The following SPTBN4 variants were observed in gnomAD, a reference collection of about 807,000 sequenced individuals.
SPTBN4 encodes the protein spectrin beta, non-erythrocytic 4, also known as spectrin beta chain, non-erythrocytic 4.
SPTBN4 carries 96 observed loss-of-function variants against 277.8 expected under a neutral mutation model. The observed-to-expected ratio is 0.35, with a 90% CI of 0.29 to 0.41. SPTBN4 has a LOEUF of 0.41. Ranked by LOEUF, SPTBN4 falls within the 10% of genes least tolerant of loss-of-function variation. The pLI, the probability that SPTBN4 is intolerant of heterozygous loss-of-function variation, is 1.00. For synonymous variants in SPTBN4, 1,481 were observed against 1,580.3 expected (o/e 0.94, Z 1.49); for missense variants, 3,006 against 3,595.7 (o/e 0.84, Z 4.19).
At chr19:40,486,188 G>A (rs2080070190) in intron 2 of SPTBN4, among the ~76,000 whole-genome samples, 1 of 152,000 alleles carries the variant, frequency 6.6e-6, no homozygotes, top group South Asian at 2.1e-4. Flanking sequence ...CTACTTGGGA[G>A]GCTGCGATGG....
At chr19:40,556,025 T>C (rs2080974376) in intron 24 of SPTBN4, 59 bp from the exon 25 acceptor site, 3 of 1,484,930 alleles carry the variant, frequency 2.0e-6, no homozygotes, top group Non-Finnish European at 9.1e-7. Context: ...TTTAGGGGGG[T>C]CACGCTCTGC....
At position 40,567,717 on chromosome 19, in the gene SPTBN4, C is replaced by T. The variant is rs1445269270; in HGVS notation, c.6391C>T (p.Arg2131Cys). The change falls in exon 31 of 36, where the codon CGC becomes TGC. Residue 2131 changes from arginine to cysteine, a missense_variant. Physicochemically the swap from Arg to Cys is radical, Grantham distance 180 (BLOSUM62 -3). Around this residue, in one of 5 missense-constraint regions of SPTBN4, gnomAD observed 630 missense variants for 677.6 expected, o/e 0.93. Coordinates refer to ENST00000598249, the MANE Select transcript of SPTBN4 (RefSeq NM_020971.3). Reference protein sequence around the residue: ...SKQPPTPLLGRKFFGDPTELA... With the variant: ...SKQPPTPLLGCKFFGDPTELA... ...GCAGCCGCCTACCCCACTGCTGGGG[C>T]GCAAGTTCTTTGGGGACCCCACGGA... is the stretch of plus-strand genomic sequence containing the variant. 3 of 1,557,264 alleles carry T rather than the reference C, an allele frequency of 1.9e-6. No homozygotes were observed. Among genetic ancestry groups the T allele is most frequent in the Non-Finnish European group, 2.6e-6 (3 of 1,153,484 alleles).
intron 35 of SPTBN4, among the ~76,000 whole-genome samples, chr19:40,573,146 G>A (rs372341668): frequency 1.8e-3 from 272 of 152,088 alleles, no homozygotes; most frequent in African/African-American, 6.3e-3. Flanking sequence ...CATCTCTATG[G>A]GTAATAATAA....
Position 40,554,374 on chromosome 19 carries a change from G to T in SPTBN4, c.4902G>T (p.Glu1634Asp). The T allele has an allele frequency of 6.3e-7, 1 of 1,587,594 alleles. No individual in the cohort carries two copies. Among genetic ancestry groups the T allele is most frequent in the Admixed American group, 1.7e-5 (1 of 57,492 alleles). The change falls in exon 23 of 36, where the codon GAG becomes GAT. Residue 1634 changes from glutamate to aspartate, a missense_variant. By Grantham distance (45) the Glu-to-Asp change is conservative (BLOSUM62 2). Around this residue, in one of 5 missense-constraint regions of SPTBN4, gnomAD observed 1,759 missense variants for 2,061.5 expected, o/e 0.85. Transcript: ENST00000598249. This position sits in a 1 kb window ranked among gnomAD's most constrained non-coding sequence, Gnocchi z 5.7. ...EQYYFDVAEV[E>D]AWLGEQELLM... ...ACTACTTCGACGTGGCTGAGGTGGA[G>T]GCGTGGCTGGGCGAGCAGGAGCTGC...
Position 40,520,067 on chromosome 19 carries a change from G to C in SPTBN4, c.3570G>C (p.Ala1190=). 1.3e-6 allele frequency: 2 copies of C among 1,515,580 alleles called. No individual in the cohort carries two copies. Among genetic ancestry groups the C allele is most frequent in the East Asian group, 2.5e-5 (1 of 39,588 alleles). The allele number at this position is 1,515,580 out of a possible 1,614,324, so 93.9% of individuals were successfully genotyped here. The change falls in exon 16 of 36, where the codon GCG becomes GCC. Residue 1190 remains alanine (A), a synonymous_variant. Coordinates refer to ENST00000598249, the MANE Select transcript of SPTBN4 (RefSeq NM_020971.3). ...ATAAACTGCTCGGCTTGTGGGAGGCGCGCAGGGAGGCGCTGGTCCAGGCGC... is the reference window on the plus strand; with the variant it reads ...ATAAACTGCTCGGCTTGTGGGAGGCCCGCAGGGAGGCGCTGGTCCAGGCGC... ...GWHKLLGLWE[A]RREALVQAHI...
Position 40,502,886 on chromosome 19 carries a change from G to A in SPTBN4, c.1315G>A (p.Ala439Thr), listed in dbSNP as rs1350317905. Reference sequence around the variant, plus strand: ...GGCACAGAGGTTTGACCACAAGGTGGCTATGAGGGAGAGCTGGCTGAATGA... The same window carrying A: ...GGCACAGAGGTTTGACCACAAGGTGACTATGAGGGAGAGCTGGCTGAATGA... ...LLAQRFDHKV[A>T]MRESWLNENQ... The change falls in exon 11 of 36, where the codon GCT becomes ACT. Residue 439 changes from alanine (A) to threonine (T), a missense_variant. Transcript: ENST00000598249. The surrounding 1 kb of genome is among the most constrained non-coding windows in gnomAD (Gnocchi z 4.9). 6.2e-7 allele frequency: 1 copy of A among 1,613,906 alleles called. No individual in the cohort carries two copies. Among genetic ancestry groups the A allele is most frequent in the Admixed American group, 1.7e-5 (1 of 60,010 alleles).
chr19:40,467,853 AGTTAAAGATACTCG>A (rs1480829440), intron 1 of SPTBN4, among the ~76,000 whole-genome samples: 2 of 152,222 alleles, frequency 1.3e-5, no homozygotes, highest in Non-Finnish European at 2.9e-5. Context: ...AGAAAGGCCA[AGTTAAAGATACTCG>A]GTTAAAGATA....
chr19:40,572,356 G>T lies in SPTBN4; in HGVS notation c.7512G>T (p.Glu2504Asp). ...VFKLQTQDGS[E>D]FLLQAKDEEE... ...CCTGCAGGACCCAGGATGGCAGTGA[G>T]TTTTTGCTCCAGGCAAAAGATGAGG... Residue 2504 changes from glutamate (E) to aspartate (D), a missense_variant, in exon 35 of 36, where the codon GAG (glutamate) becomes GAT (aspartate). This residue lies in a region of SPTBN4 where 630 missense variants were observed against 677.6 expected (regional missense o/e 0.93). Coordinates refer to ENST00000598249, the MANE Select transcript of SPTBN4 (RefSeq NM_020971.3). 1 of 1,614,186 alleles carries T rather than the reference G, an allele frequency of 6.2e-7. No individual in the cohort carries two copies. The highest frequency in any genetic ancestry group is 8.5e-7 in the Non-Finnish European group (1 of 1,180,032).
intron 25 of SPTBN4, 83 bp from the exon 26 acceptor site, chr19:40,556,940 A>G (rs2080985396): frequency 6.8e-7 from 1 of 1,475,200 alleles, no homozygotes; most frequent in Non-Finnish European, 9.0e-7. Context: ...AAAGAAAAAA[A>G]AACATTGTAG....
At chr19:40,570,957 A>T in intron 33 of SPTBN4, 1 of 468,100 alleles carries the variant, frequency 2.1e-6, no homozygotes, top group East Asian at 4.1e-5. Flanking sequence ...TGGGGGTAGT[A>T]GGTGGGGCCA....
intron 7 of SPTBN4, among the ~76,000 whole-genome samples, chr19:40,498,680 A>C (rs1474101642): frequency 2.7e-5 from 4 of 149,662 alleles, no homozygotes; most frequent in Non-Finnish European, 5.9e-5. Flanking sequence ...CTGGGATTAC[A>C]GGCATGAGCC....
At chr19:40,488,725 G>A (rs1423975250) in intron 3 of SPTBN4, among the ~76,000 whole-genome samples, 1 of 152,128 alleles carries the variant, frequency 6.6e-6, no homozygotes, top group East Asian at 1.9e-4. Context: ...AGAGAGGATC[G>A]CTTGAGCCTG....
intron 33 of SPTBN4, 130 bp from the exon 34 acceptor site, chr19:40,571,889 T>C (rs1224765387): frequency 9.3e-7 from 1 of 1,079,950 alleles, no homozygotes; most frequent in Admixed American, 2.7e-5. Context: ...TAGGTCCAAC[T>C]AGGGCGCAAC....
chr19:40,560,156 C>T lies in SPTBN4; in HGVS notation c.5671-3C>T, dbSNP rs1194660738. The T allele has an allele frequency of 2.5e-6, 4 of 1,591,512 alleles. No individual in the cohort carries two copies. The South Asian group carries it at 3.3e-5, about 13-fold the overall frequency. On this transcript the variant is annotated splice_region_variant and splice_polypyrimidine_tract_variant and intron_variant, in intron 26 of 35. Coordinates refer to ENST00000598249, the MANE Select transcript of SPTBN4 (RefSeq NM_020971.3). The surrounding 1 kb of genome is among the most constrained non-coding windows in gnomAD (Gnocchi z 5.2). ...CTGGCGCCCGACCTGGCATGCCCTT[C>T]AGGTACGGCAGCTGCAGGAGGGGGC...
chr19:40,512,762 G>A lies in SPTBN4; in HGVS notation c.1973G>A (p.Ser658Asn). Residue 658 changes from serine to asparagine, a missense_variant, in exon 14 of 36, where the codon AGC (serine) becomes AAC (asparagine). Physicochemically the swap from Ser to Asn is conservative, Grantham distance 46. Around this residue, in one of 5 missense-constraint regions of SPTBN4, gnomAD observed 1,759 missense variants for 2,061.5 expected, o/e 0.85. Coordinates refer to ENST00000598249, the MANE Select transcript of SPTBN4 (RefSeq NM_020971.3). Reference sequence around the variant, plus strand: ...CTGCAGGAGCTGGAGGAGGCCGAGAGCTGGGCGCGCGACAAGGAGCGTCTC... The same window carrying A: ...CTGCAGGAGCTGGAGGAGGCCGAGAACTGGGCGCGCGACAAGGAGCGTCTC... Reference protein sequence around the residue: ...ALLQELEEAESWARDKERLLE... With the variant: ...ALLQELEEAENWARDKERLLE... 1 of 1,509,762 alleles carries A rather than the reference G, an allele frequency of 6.6e-7. No homozygotes were observed. Among genetic ancestry groups the A allele is most frequent in the Non-Finnish European group, 8.8e-7 (1 of 1,137,650 alleles). 93.5% of individuals were successfully genotyped at this position (1,509,762 alleles called of 1,614,324 possible). A position where few individuals can be genotyped will look rare whatever the true frequency, so the allele number is the denominator to read the frequency against.
intron 30 of SPTBN4, 59 bp from the exon 31 acceptor site, chr19:40,567,604 C>T: frequency 9.4e-7 from 1 of 1,066,810 alleles, no homozygotes; most frequent in Non-Finnish European, 1.3e-6. Context: ...CCCCGGACCT[C>T]CCCCTTACCC....
At chr19:40,568,617 T>C (rs1011595104) in intron 31 of SPTBN4, among the ~76,000 whole-genome samples, 1 of 152,226 alleles carries the variant, frequency 6.6e-6, no homozygotes, top group Non-Finnish European at 1.5e-5. Flanking sequence ...GTTTGCCCAC[T>C]GGGCTAATGG....
At position 40,570,498 on chromosome 19, in the gene SPTBN4, C is replaced by T. The variant is rs762706333; in HGVS notation, c.7089C>T (p.Pro2363=). The T allele has an allele frequency of 3.8e-5, 58 of 1,544,652 alleles. No individual in the cohort carries two copies. Among genetic ancestry groups the T allele is most frequent in the East Asian group, 7.9e-5 (3 of 37,888 alleles). The change falls in exon 33 of 36, where the codon CCC becomes CCT. Residue 2363 remains proline, a synonymous_variant. Coordinates refer to ENST00000598249, the MANE Select transcript of SPTBN4 (RefSeq NM_020971.3). ...GCCTGCCCAACGGGCTTGAGCTGCC[C>T]GAGCGGACACCTCGGCCGGACCGGC... The part of the protein sequence containing the change: ...PGRLPNGLEL[P]ERTPRPDRPR...
At chr19:40,574,369 T>C (rs1353242537) in intron 35 of SPTBN4, among the ~76,000 whole-genome samples, 2 of 151,870 alleles carry the variant, frequency 1.3e-5, no homozygotes, top group Non-Finnish European at 2.9e-5. Context: ...AGTGGGCTTT[T>C]TTTTTTTTTG....
Sources: gnomAD v4.1 joint callset for allele counts (sites outside exome capture counted in the v4.1 genomes callset) on GRCh38, gnomAD v4.1.1 for gene constraint, gnomAD v4.1.1 regional missense constraint, Gnocchi (gnomAD v3.1) non-coding constraint, MANE v1.5 for transcripts, NCBI Gene and HGNC (gene_info 2026-07-23, HGNC 2026-07-21) for gene names.